PABPC4L: variants seen among roughly 807,000 people sequenced by gnomAD.
PABPC4L encodes poly(A) binding protein cytoplasmic 4 like.
For synonymous variants in PABPC4L, 169 were observed against 164.1 expected, an observed-to-expected ratio of 1.03 and a Z score of -0.23; for missense variants, 452 against 451.4, an observed-to-expected ratio of 1.00 and a Z score of -0.01.
At chr4:134,012,410 G>C in the PABPC4L span, among the ~76,000 whole-genome samples, 2 of 152,180 alleles carry the variant, frequency 1.3e-5, no homozygotes, top group East Asian at 3.9e-4. Flanking sequence ...TCCCTACTGA[G>C]CACCTTGTGA....
At chr4:134,056,618 T>C in the PABPC4L span, among the ~76,000 whole-genome samples, 446 of 152,098 alleles carry the variant, frequency 2.9e-3, 2 homozygotes, top group Non-Finnish European at 5.3e-3. Context: ...ATTTAAACTT[T>C]AATGTTAAAT....
chr4:134,104,580 T>C, the PABPC4L span, among the ~76,000 whole-genome samples: 5 of 151,706 alleles, frequency 3.3e-5, no homozygotes, highest in African/African-American at 1.2e-4. Context: ...ACTTGGTTGG[T>C]TAAACACCCT....
the PABPC4L span, among the ~76,000 whole-genome samples, chr4:134,070,976 T>C: frequency 1.3e-4 from 20 of 152,274 alleles, no homozygotes; most frequent in African/African-American, 4.6e-4. Flanking sequence ...AAATGGGCAT[T>C]ACTGGACATG....
the PABPC4L span, among the ~76,000 whole-genome samples, chr4:134,046,194 G>A: frequency 6.6e-6 from 1 of 152,204 alleles, no homozygotes; most frequent in African/African-American, 2.4e-5. Context: ...TCTCAGCAAG[G>A]GGAATGGGGC....
downstream of PABPC4L, among the ~76,000 whole-genome samples, chr4:134,193,015 T>C (rs1311485251): frequency 6.6e-6 from 1 of 152,074 alleles, no homozygotes; most frequent in African/African-American, 2.4e-5. Context: ...ATATTACCTC[T>C]TTAACATAAG....
chr4:134,084,921 GA>G, the PABPC4L span, among the ~76,000 whole-genome samples: 2 of 151,990 alleles, frequency 1.3e-5, no homozygotes, highest in Non-Finnish European at 2.9e-5. Context: ...TTTATTTGAT[GA>G]AAAGGAAAAA....
chr4:134,142,073 G>A, the PABPC4L span, among the ~76,000 whole-genome samples: 1 of 151,674 alleles, frequency 6.6e-6, no homozygotes, highest in Admixed American at 6.6e-5. Context: ...TCTAATAAAT[G>A]AATAGTGAGA....
At chr4:133,974,102 T>C in the PABPC4L span, among the ~76,000 whole-genome samples, 1 of 152,130 alleles carries the variant, frequency 6.6e-6, no homozygotes. Flanking sequence ...CTTTCTGATT[T>C]CAAAAGTTGC....
the PABPC4L span, among the ~76,000 whole-genome samples, chr4:134,081,611 G>A: frequency 6.6e-6 from 1 of 152,028 alleles, no homozygotes; most frequent in African/African-American, 2.4e-5. Context: ...CACCAGATTG[G>A]GTTCAAACCT....
downstream of PABPC4L, among the ~76,000 whole-genome samples, chr4:134,194,237 T>C (rs1729593438): frequency 6.6e-6 from 1 of 151,802 alleles, no homozygotes; most frequent in South Asian, 2.1e-4. Context: ...TTCAAAAGAC[T>C]GTGCTTGAAA....
At chr4:133,996,589 A>C in the PABPC4L span, among the ~76,000 whole-genome samples, 1 of 152,114 alleles carries the variant, frequency 6.6e-6, no homozygotes, top group Non-Finnish European at 1.5e-5. Flanking sequence ...CAGTCTCTTC[A>C]CCTTCATTTT....
At chr4:134,168,344 A>G in the PABPC4L span, among the ~76,000 whole-genome samples, 1 of 152,030 alleles carries the variant, frequency 6.6e-6, no homozygotes, top group African/African-American at 2.4e-5. Context: ...TAAATAACTA[A>G]TGATGCATCT....
At chr4:133,993,803 C>G in the PABPC4L span, among the ~76,000 whole-genome samples, 2 of 152,070 alleles carry the variant, frequency 1.3e-5, no homozygotes, top group Admixed American at 6.6e-5. Flanking sequence ...AGCCAGTGGA[C>G]CAGGCAGTGA....
the PABPC4L span, among the ~76,000 whole-genome samples, chr4:134,188,494 C>A: frequency 4.6e-5 from 7 of 152,076 alleles, no homozygotes; most frequent in Admixed American, 4.6e-4. Flanking sequence ...GGTGTACTGG[C>A]AACAAATTCT....
the PABPC4L span, among the ~76,000 whole-genome samples, chr4:133,956,044 T>A: frequency 9.2e-5 from 14 of 152,148 alleles, 1 homozygote; most frequent in Admixed American, 8.5e-4. Context: ...TCCTGTTGAA[T>A]CAAATGGACT....
At chr4:134,034,656 T>G in the PABPC4L span, among the ~76,000 whole-genome samples, 1 of 152,040 alleles carries the variant, frequency 6.6e-6, no homozygotes, top group Non-Finnish European at 1.5e-5. Context: ...GTGGAGGAAG[T>G]AAGTGCAGAT....
the PABPC4L span, among the ~76,000 whole-genome samples, chr4:134,127,294 C>A: frequency 5.3e-5 from 8 of 152,038 alleles, no homozygotes; most frequent in Non-Finnish European, 5.9e-5. Context: ...CCCTATACAA[C>A]GGCAGCTGAT....
chr4:134,177,936 C>G, the PABPC4L span, among the ~76,000 whole-genome samples: 38 of 152,140 alleles, frequency 2.5e-4, no homozygotes, highest in African/African-American at 8.9e-4. Context: ...AGCCTAGCAA[C>G]CCTGATTCTG....
At chr4:134,062,552 G>C in the PABPC4L span, among the ~76,000 whole-genome samples, 1 of 151,942 alleles carries the variant, frequency 6.6e-6, no homozygotes, top group Non-Finnish European at 1.5e-5. Context: ...TAAACAAATT[G>C]ATGTTACTAG....
Sources: allele counts gnomAD v4.1 joint callset (sites outside exome capture counted in the v4.1 genomes callset), GRCh38; gene constraint gnomAD v4.1.1; transcripts MANE v1.5; gene names NCBI Gene and HGNC (gene_info 2026-07-23, HGNC 2026-07-21).